The following GRK1 variants were observed in gnomAD, a reference collection of about 807,000 sequenced individuals.
The protein encoded by GRK1 is G protein-coupled receptor kinase 1, also known as rhodopsin kinase GRK1.
A neutral mutation model predicts 41.7 loss-of-function variants in GRK1; 28 were observed. That is an observed-to-expected ratio of 0.67 (90% CI 0.50 to 0.92). GRK1 has a LOEUF of 0.92. Among genes scored for constraint, GRK1 ranks in the 40% least tolerant of loss-of-function variants. GRK1 has a pLI of 0.00. For synonymous variants in GRK1, 327 were observed against 286.7 expected, an observed-to-expected ratio of 1.14 and a Z score of -1.42; for missense variants, 703 against 671.2, an observed-to-expected ratio of 1.05 and a Z score of -0.52.
the GRK1 span, among the ~76,000 whole-genome samples, chr13:113,654,627 C>T: frequency 7.9e-5 from 12 of 152,252 alleles, no homozygotes; most frequent in African/African-American, 2.2e-4. Context: ...CTCTTAAAGC[C>T]GGTTCAGGGG....
chr13:113,733,192 G>A, intron 6 of GRK1, 107 bp downstream of exon 6: 1 of 1,126,058 alleles, frequency 8.9e-7, no homozygotes, highest in Non-Finnish European at 1.2e-6. Context: ...GAGTGCCTCA[G>A]ACCCCCAAGG....
intron 4 of GRK1, among the ~76,000 whole-genome samples, chr13:113,725,364 A>G: frequency 1.7e-5 from 1 of 57,760 alleles, no homozygotes. Flanking sequence ...GCGCGGTCCT[A>G]GTTTGAGTTC....
At chr13:113,654,764 C>A in the GRK1 span, 39 of 1,590,446 alleles carry the variant, frequency 2.5e-5, no homozygotes, top group Non-Finnish European at 1.0e-5. Context: ...GCCGAGGAGG[C>A]GGCAGCCTGG....
In GRK1 at chr13:113,735,136, G is replaced by T. The variant is rs375593512; in HGVS notation, c.1465G>T (p.Ala489Ser). 5.9e-5 allele frequency: 90 copies of T among 1,537,114 alleles called. No individual in the cohort carries two copies. Among genetic ancestry groups the T allele is most frequent in the Non-Finnish European group, 7.6e-5 (87 of 1,146,832 alleles). Residue 489 changes from alanine (A) to serine (S), a missense_variant, in exon 7 of 7, where the codon GCC becomes TCC. Physicochemically the swap from Ala to Ser is moderately conservative, Grantham distance 99 (BLOSUM62 1). Coordinates refer to ENST00000335678, the MANE Select transcript of GRK1 (RefSeq NM_002929.3). The stretch of plus-strand genomic sequence containing the variant: ...CGCAAAGGATATTCAGGACGTGGGT[G>T]CCTTTTCCACCGTCAAAGGTGTGGC... ...VYAKDIQDVG[A>S]FSTVKGVAFD... is the part of the protein sequence containing the mutation.
chr13:113,731,992 C>A lies in GRK1; in HGVS notation c.1194+649C>A, dbSNP rs923334105. ...CTCCCCTGAGTGCCCCCTGGGCTGC[C>A]CCGGATCCTAGGCCACCAGAACTGC... is the stretch of plus-strand genomic sequence containing the variant. On this transcript the variant is annotated intron_variant, in intron 5 of 6. Transcript: ENST00000335678. The surrounding 1 kb of genome is among the most constrained non-coding windows in gnomAD (Gnocchi z 5.6). 6.6e-6 allele frequency among the ~76,000 whole-genome samples: 1 copy of A among 152,222 alleles called. No homozygotes were observed. The highest frequency in any genetic ancestry group is 6.5e-5 in the Admixed American group (1 of 15,286).
chr13:113,734,900 T>C, intron 6 of GRK1, 168 bp from the exon 7 acceptor site: 1 of 627,492 alleles, frequency 1.6e-6, no homozygotes, highest in South Asian at 3.1e-5. Flanking sequence ...CCCAGGGGCC[T>C]TCTGGGAACA....
the GRK1 span, chr13:113,649,044 A>G: frequency 2.8e-5 from 5 of 179,168 alleles, no homozygotes; most frequent in Non-Finnish European, 3.6e-5. This position sits in a 1 kb window ranked among gnomAD's most constrained non-coding sequence, Gnocchi z 4.7. Context: ...AATAAATTAT[A>G]GTAAGAAAGT....
chr13:113,731,242 C>A lies in GRK1; in HGVS notation c.1093C>A (p.Gln365Lys), dbSNP rs2049934820. 6.5e-7 allele frequency: 1 copy of A among 1,537,066 alleles called. No individual in the cohort carries two copies. Among genetic ancestry groups the A allele is most frequent in the African/African-American group, 1.4e-5 (1 of 73,166 alleles). Reference protein sequence around the residue: ...TPGFMAPELLQGEEYDFSVDY... With the variant: ...TPGFMAPELLKGEEYDFSVDY... ...AGGTTTCATGGCCCCCGAGCTCCTG[C>A]AGGGCGAGGAGTACGACTTCTCCGT... The change falls in exon 5 of 7, where the codon CAG becomes AAG. Residue 365 changes from glutamine to lysine, a missense_variant. Coordinates refer to ENST00000335678, the MANE Select transcript of GRK1 (RefSeq NM_002929.3). This position sits in a 1 kb window ranked among gnomAD's most constrained non-coding sequence, Gnocchi z 5.6.
chr13:113,734,945 C>A, intron 6 of GRK1, 123 bp from the exon 7 acceptor site: 2 of 1,006,196 alleles, frequency 2.0e-6, no homozygotes, highest in East Asian at 5.5e-5. Flanking sequence ...CGACACTTCC[C>A]TAAGGAAGAG....
chr13:113,649,297 C>T, the GRK1 span: 322 of 1,493,850 alleles, frequency 2.2e-4, no homozygotes, highest in Middle Eastern at 2.4e-4. This position sits in a 1 kb window ranked among gnomAD's most constrained non-coding sequence, Gnocchi z 4.7. Flanking sequence ...AGGGAACTGA[C>T]GGGCAAGGTA....
Position 113,671,953 on chromosome 13 carries a change from G to A in GRK1, c.985+297G>A, listed in dbSNP as rs1315410114. Reference sequence around the variant, plus strand: ...AGGGATTCTTCTCAGAAATAAACACGAGGGTTTAGGCTCCCGACAGCGGCA... The same window carrying A: ...AGGGATTCTTCTCAGAAATAAACACAAGGGTTTAGGCTCCCGACAGCGGCA... On this transcript the variant is annotated intron_variant, in intron 3 of 6. Transcript: ENST00000335678. The surrounding 1 kb of genome is among the most constrained non-coding windows in gnomAD (Gnocchi z 4.1). Among the ~76,000 whole-genome samples, 3 of 152,044 alleles carry A rather than the reference G, an allele frequency of 2.0e-5. No individual in the cohort carries two copies. The highest frequency in any genetic ancestry group is 1.9e-4 in the East Asian group (1 of 5,176).
intron 4 of GRK1, among the ~76,000 whole-genome samples, chr13:113,724,074 C>T (rs570527937): frequency 1.3e-5 from 2 of 152,346 alleles, no homozygotes; most frequent in South Asian, 2.1e-4. Context: ...TGTCACTCAT[C>T]TCCTCTCACC....
rs919778279 is a variant in GRK1 at position 113,731,652 on chromosome 13, G to T, written c.1194+309G>T. 2.0e-5 allele frequency among the ~76,000 whole-genome samples: 3 copies of T among 152,190 alleles called. No homozygotes were observed. Among genetic ancestry groups the T allele is most frequent in the Admixed American group, 6.5e-5 (1 of 15,282 alleles). On this transcript the variant is annotated intron_variant, in intron 5 of 6. Coordinates refer to ENST00000335678, the MANE Select transcript of GRK1 (RefSeq NM_002929.3). This position sits in a 1 kb window ranked among gnomAD's most constrained non-coding sequence, Gnocchi z 5.6. ...CCACCACTCAGCCTCTGAGGGCCCT[G>T]TGGGGGCCGGTCCCTCTGGTGCAGA...
chr13:113,728,533 G>T (rs769933495), intron 4 of GRK1, among the ~76,000 whole-genome samples: 1 of 152,116 alleles, frequency 6.6e-6, no homozygotes, highest in East Asian at 1.9e-4. Flanking sequence ...AGCTCATGGC[G>T]TATAGTGGAC....
Position 113,735,601 on chromosome 13 carries a change from C to T in GRK1, c.*238C>T. 2.2e-6 allele frequency: 1 copy of T among 448,238 alleles called. No homozygotes were observed. 27.8% of individuals were successfully genotyped at this position (448,238 alleles called of 1,614,324 possible). On this transcript the variant is annotated 3_prime_UTR_variant, in exon 7 of 7. Transcript: ENST00000335678. ...ACTGCATATTTCACGTCTTTTGCTC[C>T]ATCTCACTGAGAAGACATAAGATGC...
At chr13:113,658,449 G>A in the GRK1 span, among the ~76,000 whole-genome samples, 31 of 152,346 alleles carry the variant, frequency 2.0e-4, no homozygotes, top group African/African-American at 5.8e-4. Context: ...GGCACGTTCC[G>A]GGGTGAGCAG....
chr13:113,733,105 C>T lies in GRK1; in HGVS notation c.1396+20C>T, dbSNP rs563843025. 4.4e-5 allele frequency: 67 copies of T among 1,529,564 alleles called. No individual in the cohort carries two copies. The highest frequency in any genetic ancestry group is 1.9e-4 in the Middle Eastern group (1 of 5,186). 94.7% of individuals were successfully genotyped at this position (1,529,564 alleles called of 1,614,324 possible). The stretch of plus-strand genomic sequence containing the variant: ...AGGCTGGTACTGTTGGACGCCTCAG[C>T]CCCGGAGAGGGTGGGGTTCTGTGCT... On this transcript the variant is annotated intron_variant, in intron 6 of 6. Transcript: ENST00000335678.
chr13:113,663,765 C>T (rs2049802256), upstream of GRK1, among the ~76,000 whole-genome samples: 1 of 152,132 alleles, frequency 6.6e-6, no homozygotes, highest in Non-Finnish European at 1.5e-5. Context: ...CCACACCTAC[C>T]AGGAGGGCCA....
chr13:113,732,918 C>T lies in GRK1; in HGVS notation c.1229C>T (p.Ser410Leu). Reference protein sequence around the residue: ...ENKELKHRIISEPVKYPDKFS... With the variant: ...ENKELKHRIILEPVKYPDKFS... ...AAGGAGCTGAAGCACCGGATCATCT[C>T]AGAGCCCGTGAAGTACCCTGATAAG... Residue 410 changes from serine (S) to leucine (L), a missense_variant, in exon 6 of 7, where the codon TCA (serine) becomes TTA (leucine). Coordinates refer to ENST00000335678, the MANE Select transcript of GRK1 (RefSeq NM_002929.3). 1.3e-6 allele frequency: 2 copies of T among 1,536,832 alleles called. No individual in the cohort carries two copies. Among genetic ancestry groups the T allele is most frequent in the South Asian group, 2.4e-5 (2 of 84,052 alleles).
Sources: gnomAD v4.1 joint callset for allele counts (sites outside exome capture counted in the v4.1 genomes callset) on GRCh38, gnomAD v4.1.1 for gene constraint, Gnocchi (gnomAD v3.1) non-coding constraint, MANE v1.5 for transcripts, NCBI Gene and HGNC (gene_info 2026-07-23, HGNC 2026-07-21) for gene names.